RBFOX1: variants seen among roughly 807,000 people sequenced by gnomAD.
The protein encoded by RBFOX1 is RNA binding protein fox-1 homolog 1.
Under a neutral mutation model 57.7 loss-of-function variants are expected in RBFOX1, and 8 were observed. That is an observed-to-expected ratio of 0.14 (90% confidence interval 0.08 to 0.25). The LOEUF is 0.25. RBFOX1 is among the 10% of genes least tolerant of loss of function. The pLI is 1.00. For missense variants in RBFOX1, 611 were observed against 548.5 expected, an observed-to-expected ratio of 1.11 and a Z score of -1.14; for synonymous variants, 326 against 222.4, an observed-to-expected ratio of 1.47 and a Z score of -4.15.
At chr16:5,282,823 T>A (rs1412528649) in intron 1 of RBFOX1, among the ~76,000 whole-genome samples, 1 of 152,198 alleles carries the variant, frequency 6.6e-6, no homozygotes, top group Non-Finnish European at 1.5e-5. Flanking sequence ...GAAAATCCCA[T>A]TTTCTCAAGA....
chr16:6,550,293 C>A (rs891423954), intron 2 of RBFOX1, among the ~76,000 whole-genome samples: 5 of 152,104 alleles, frequency 3.3e-5, no homozygotes, highest in African/African-American at 9.7e-5. Context: ...TCTCTTGCCT[C>A]AACCTTCCAA....
chr16:5,736,135 T>TA (rs2052561686), intron 3 of RBFOX1, among the ~76,000 whole-genome samples: 2 of 152,052 alleles, frequency 1.3e-5, no homozygotes, highest in Admixed American at 6.5e-5. Context: ...GGAGGTTTTG[T>TA]TACACGTGGA....
chr16:6,587,547 G>T (rs144555958), intron 2 of RBFOX1, among the ~76,000 whole-genome samples: 1,989 of 152,240 alleles, frequency 0.013, 58 homozygotes, highest in African/African-American at 0.046. Flanking sequence ...CTCTGAAATT[G>T]CTGGGATTAC....
intron 4 of RBFOX1, among the ~76,000 whole-genome samples, chr16:7,196,250 T>C (rs977925770): frequency 6.6e-6 from 1 of 152,170 alleles, no homozygotes; most frequent in African/African-American, 2.4e-5. Context: ...AGTGCTTGTG[T>C]GCATGGTGAA....
chr16:6,506,890 C>T (rs968535994), intron 2 of RBFOX1, among the ~76,000 whole-genome samples: 2 of 152,076 alleles, frequency 1.3e-5, no homozygotes, highest in Non-Finnish European at 2.9e-5. Context: ...TCAAGTGATC[C>T]ACCTGCCTTG....
intron 4 of RBFOX1, among the ~76,000 whole-genome samples, chr16:5,992,978 C>T (rs564034238): frequency 3.3e-5 from 5 of 152,274 alleles, no homozygotes; most frequent in African/African-American, 1.2e-4. Context: ...TGGCAGACAT[C>T]TGCCGACTTG....
intron 4 of RBFOX1, among the ~76,000 whole-genome samples, chr16:7,445,299 C>T (rs539993582): frequency 4.6e-5 from 7 of 152,130 alleles, no homozygotes; most frequent in African/African-American, 1.7e-4. Flanking sequence ...ATGCATAGAG[C>T]CTCTGTAATC....
chr16:7,708,598 G>A (rs1231787852), intron 14 of RBFOX1, among the ~76,000 whole-genome samples: 1 of 152,190 alleles, frequency 6.6e-6, no homozygotes, highest in African/African-American at 2.4e-5. Context: ...ACTAACTTCA[G>A]ACAGGTTCAC....
chr16:6,254,966 A>T (rs28407961), intron 1 of RBFOX1, among the ~76,000 whole-genome samples: 1 of 151,746 alleles, frequency 6.6e-6, no homozygotes, highest in Admixed American at 6.6e-5. Flanking sequence ...TTATTAAAAT[A>T]TATATGGTTT....
At chr16:7,110,253 G>T (rs1048438693) in intron 4 of RBFOX1, among the ~76,000 whole-genome samples, 2 of 151,540 alleles carry the variant, frequency 1.3e-5, no homozygotes, top group South Asian at 2.1e-4. Context: ...CCAGCTTCTC[G>T]GGGAGGCTGA....
intron 4 of RBFOX1, among the ~76,000 whole-genome samples, chr16:7,153,430 G>T (rs1198697191): frequency 3.3e-5 from 5 of 152,064 alleles, no homozygotes; most frequent in Non-Finnish European, 7.4e-5. Flanking sequence ...GGGAGGACAT[G>T]TATTGGATTG....
At chr16:7,444,254 C>A (rs1339334265) in intron 4 of RBFOX1, among the ~76,000 whole-genome samples, 1 of 152,152 alleles carries the variant, frequency 6.6e-6, no homozygotes, top group Non-Finnish European at 1.5e-5. Context: ...TAACCTGTTT[C>A]CTAATGGGTC....
chr16:6,774,101 G>A (rs1450979580), intron 3 of RBFOX1: 1 of 760,556 alleles, frequency 1.3e-6, no homozygotes, highest in Non-Finnish European at 1.6e-6. Context: ...ACCAAGAATT[G>A]GACTTTTTGT....
chr16:6,559,107 A>G (rs74008207), intron 2 of RBFOX1, among the ~76,000 whole-genome samples: 1 of 108,886 alleles, frequency 9.2e-6, no homozygotes, highest in African/African-American at 4.4e-5. Context: ...GTTTATATAT[A>G]CATATGTGTG....
At chr16:6,936,481 A>T (rs925753725) in intron 3 of RBFOX1, among the ~76,000 whole-genome samples, 2 of 152,116 alleles carry the variant, frequency 1.3e-5, no homozygotes, top group African/African-American at 4.8e-5. Flanking sequence ...CCTTCATCCA[A>T]CATTGAGTAA....
chr16:6,095,322 G>T (rs570438773), intron 1 of RBFOX1, among the ~76,000 whole-genome samples: 1 of 152,282 alleles, frequency 6.6e-6, no homozygotes, highest in East Asian at 1.9e-4. Flanking sequence ...GTGACCAGGG[G>T]ATATTTAGGA....
At chr16:5,964,892 GTGTGTA>G (rs1487798487) in intron 4 of RBFOX1, among the ~76,000 whole-genome samples, 1 of 152,006 alleles carries the variant, frequency 6.6e-6, no homozygotes, top group Non-Finnish European at 1.5e-5. Flanking sequence ...AAAATGTGGT[GTGTGTA>G]TATATATAGA....
chr16:7,195,582 G>A (rs547377295), intron 4 of RBFOX1, among the ~76,000 whole-genome samples: 1 of 152,258 alleles, frequency 6.6e-6, no homozygotes, highest in African/African-American at 2.4e-5. Flanking sequence ...TATTGAGACA[G>A]AGTCCAACTC....
chr16:6,849,726 C>G (rs565909559), intron 3 of RBFOX1, among the ~76,000 whole-genome samples: 38 of 152,192 alleles, frequency 2.5e-4, no homozygotes, highest in Admixed American at 1.3e-4. Flanking sequence ...CCATGACTGT[C>G]TACATCGCCT....
Sources: allele counts gnomAD v4.1 joint callset (sites outside exome capture counted in the v4.1 genomes callset), GRCh38; gene constraint gnomAD v4.1.1; transcripts MANE v1.5; gene names NCBI Gene and HGNC (gene_info 2026-07-23, HGNC 2026-07-21).